The following PLB1 variants were observed in gnomAD, a reference collection of about 807,000 sequenced individuals.
PLB1 encodes phospholipase B1, membrane-associated.
In PLB1, 242 loss-of-function variants were observed where a neutral mutation model predicts 227.4. The observed-to-expected ratio is 1.06, with a 90% CI of 0.96 to 1.18. PLB1 has a LOEUF of 1.18. PLB1 is among the 50% of genes most tolerant of loss of function. The probability of loss-of-function intolerance (pLI) is 0.00; values close to 1 mark genes in which losing one functional copy is unlikely to be tolerated. For synonymous variants in PLB1, 757 were observed against 682.2 expected (o/e 1.11, Z -1.71); for missense variants, 1,858 against 1,816.3 (o/e 1.02, Z -0.42).
At chr2:28,639,517 C>T (rs1689747017) in intron 56 of PLB1, among the ~76,000 whole-genome samples, 1 of 152,088 alleles carries the variant, frequency 6.6e-6, no homozygotes, top group Non-Finnish European at 1.5e-5. Context: ...AAGTAACAGC[C>T]ACGGTCACTG....
chr2:28,534,435 A>G (rs898263928), intron 9 of PLB1, among the ~76,000 whole-genome samples: 2 of 152,250 alleles, frequency 1.3e-5, no homozygotes, highest in Non-Finnish European at 2.9e-5. Flanking sequence ...AATAAACTCT[A>G]AAATCCTCGA....
At chr2:28,531,562 C>T (rs544967411) in intron 8 of PLB1, among the ~76,000 whole-genome samples, 6 of 152,296 alleles carry the variant, frequency 3.9e-5, no homozygotes, top group East Asian at 3.9e-4. Flanking sequence ...CCGCCCAACT[C>T]GGCCTCCCAA....
chr2:28,582,427 T>C lies in PLB1; in HGVS notation c.1655T>C (p.Leu552Pro), dbSNP rs1433317960. The C allele has an allele frequency of 6.2e-7, 1 of 1,613,292 alleles. No individual in the cohort carries two copies. The highest frequency in any genetic ancestry group is 2.2e-5 in the East Asian group (1 of 44,858). Residue 552 changes from leucine (L) to proline (P), a missense_variant, in exon 25 of 58, where the codon CTG (leucine) becomes CCG (proline). By Grantham distance (98) the Leu-to-Pro change is moderately conservative. Coordinates refer to ENST00000327757, the MANE Select transcript of PLB1 (RefSeq NM_153021.5). ...CAGGTTCCTCGGGCATTTGTGAACC[T>C]GGTGACGGTGCTTGAGATCGTCAAC... Reference protein sequence around the residue: ...HAEVPRAFVNLVTVLEIVNLR... With the variant: ...HAEVPRAFVNPVTVLEIVNLR...
intron 1 of PLB1, among the ~76,000 whole-genome samples, chr2:28,509,023 C>T (rs185356810): frequency 6.4e-4 from 98 of 152,256 alleles, no homozygotes; most frequent in African/African-American, 2.4e-3. Context: ...TTCTTTGATC[C>T]TCATAACGAC....
intron 38 of PLB1, 42 bp downstream of exon 38, chr2:28,602,006 G>A: frequency 1.3e-6 from 2 of 1,530,648 alleles, no homozygotes; most frequent in Non-Finnish European, 1.8e-6. Flanking sequence ...GCTCAAGCAT[G>A]GTGAGGGTGA....
intron 35 of PLB1, among the ~76,000 whole-genome samples, chr2:28,599,533 CCAT>C (rs1327000522): frequency 6.6e-6 from 1 of 151,566 alleles, no homozygotes; most frequent in East Asian, 1.9e-4. Context: ...TGCTATGGAT[CCAT>C]CCCACCCAGG....
chr2:28,604,661 A>G lies in PLB1; in HGVS notation c.2863A>G (p.Met955Val), dbSNP rs769845822. 1.4e-5 allele frequency: 22 copies of G among 1,613,914 alleles called. No individual in the cohort carries two copies. The Admixed American group carries it at 3.2e-4, about 23-fold the overall frequency. ...EAFSRAYRSS[M>V]RELVGSGRYD... ...CCTGTGCATGTGTCCCCAGAGCAGC[A>G]TGCGCGAGCTGGTGGGGTCAGGCCG... The change falls in exon 41 of 58, where the codon ATG becomes GTG. Residue 955 changes from methionine (M) to valine (V), a missense_variant. Coordinates refer to ENST00000327757, the MANE Select transcript of PLB1 (RefSeq NM_153021.5).
chr2:28,516,730 G>A, intron 1 of PLB1, 78 bp from the exon 2 acceptor site: 2 of 1,295,140 alleles, frequency 1.5e-6, no homozygotes, highest in Non-Finnish European at 2.2e-6. Context: ...ATGGCTAGGA[G>A]GAAGGGCATG....
intron 16 of PLB1, among the ~76,000 whole-genome samples, chr2:28,551,656 T>G (rs1020848881): frequency 6.6e-6 from 1 of 152,216 alleles, no homozygotes; most frequent in Non-Finnish European, 1.5e-5. Flanking sequence ...TGCAGACTCT[T>G]TCACTTATGG....
At chr2:28,613,563 A>G (rs1408307478) in intron 43 of PLB1, among the ~76,000 whole-genome samples, 8 of 152,320 alleles carry the variant, frequency 5.3e-5, no homozygotes, top group Middle Eastern at 3.4e-3. Flanking sequence ...AAAAAAAATG[A>G]CTAAGATACA....
At chr2:28,622,264 G>A (rs923208858) in intron 49 of PLB1, among the ~76,000 whole-genome samples, 17 of 152,152 alleles carry the variant, frequency 1.1e-4, no homozygotes, top group Non-Finnish European at 2.1e-4. Flanking sequence ...CAGATCATTC[G>A]TGTCTACATT....
chr2:28,592,855 A>G, intron 32 of PLB1, 136 bp downstream of exon 32: 1 of 728,848 alleles, frequency 1.4e-6, no homozygotes, highest in South Asian at 1.9e-5. Flanking sequence ...ATCCAAGAGC[A>G]TGCCAGTTAT....
chr2:28,583,132 C>A (rs1285772076), intron 25 of PLB1, among the ~76,000 whole-genome samples: 1 of 152,118 alleles, frequency 6.6e-6, no homozygotes, highest in Admixed American at 6.5e-5. Flanking sequence ...CCTTCTAATA[C>A]AGGCTGAGCA....
chr2:28,579,734 A>T, intron 23 of PLB1, 27 bp downstream of exon 23: 1 of 1,581,294 alleles, frequency 6.3e-7, no homozygotes. Context: ...TTTACTCAAG[A>T]CTCACCCCCA....
chr2:28,604,125 G>A (rs138712229), intron 40 of PLB1, 78 bp downstream of exon 40: 14 of 1,369,446 alleles, frequency 1.0e-5, no homozygotes, highest in Admixed American at 8.7e-5. Flanking sequence ...CCCTAGAGGA[G>A]GCACACAGGG....
intron 49 of PLB1, among the ~76,000 whole-genome samples, chr2:28,621,955 C>T (rs1443924006): frequency 6.6e-6 from 1 of 152,180 alleles, no homozygotes; most frequent in Non-Finnish European, 1.5e-5. Context: ...CCCCTTCTTC[C>T]TTTCTCACTT....
rs1415943628 is a variant in PLB1 at position 28,591,159 on chromosome 2, G to T, written c.2115G>T (p.Lys705Asn). ...TCCAGCCGTTTCTGAGGACCTACAAGAACAGCATGCAGGTACCTGCCTCTT... is the reference window on the plus strand; with the variant it reads ...TCCAGCCGTTTCTGAGGACCTACAATAACAGCATGCAGGTACCTGCCTCTT... Reference protein sequence around the residue: ...NQVQPFLRTYKNSMQGHGTWL... With the variant: ...NQVQPFLRTYNNSMQGHGTWL... Residue 705 changes from lysine to asparagine, a missense_variant, in exon 30 of 58, where the codon AAG becomes AAT. Coordinates refer to ENST00000327757, the MANE Select transcript of PLB1 (RefSeq NM_153021.5). The T allele has an allele frequency of 1.9e-6, 3 of 1,614,076 alleles. No individual in the cohort carries two copies. The highest frequency in any genetic ancestry group is 2.5e-6 in the Non-Finnish European group (3 of 1,180,028).
Position 28,632,118 on chromosome 2 carries a change from A to G in PLB1, c.3980A>G (p.Asn1327Ser). 6.2e-7 allele frequency: 1 copy of G among 1,613,746 alleles called. No homozygotes were observed. The highest frequency in any genetic ancestry group is 8.5e-7 in the Non-Finnish European group (1 of 1,179,736). The change falls in exon 55 of 58, where the codon AAC becomes AGC. Residue 1327 changes from asparagine to serine, a missense_variant. Transcript: ENST00000327757. ...FAVVVQPFFQ[N>S]TLTPLNERGD... is the part of the protein sequence containing the mutation. The stretch of plus-strand genomic sequence containing the variant: ...GTTGTGGTGCAGCCTTTCTTCCAAA[A>G]CACACTCACCCCACTGAACGAGGTG...
intron 38 of PLB1, 64 bp downstream of exon 38, chr2:28,602,028 G>A (rs1558887543): frequency 1.4e-5 from 20 of 1,386,032 alleles, no homozygotes; most frequent in Non-Finnish European, 1.7e-5. Flanking sequence ...GGTGGATGGG[G>A]GGAAAGAATG....
Sources: gnomAD v4.1 joint callset for allele counts (sites outside exome capture counted in the v4.1 genomes callset) on GRCh38, gnomAD v4.1.1 for gene constraint, MANE v1.5 for transcripts, NCBI Gene and HGNC (gene_info 2026-07-23, HGNC 2026-07-21) for gene names.